GRIK2: variants seen among roughly 807,000 people sequenced by gnomAD.
The protein encoded by GRIK2 is glutamate ionotropic receptor kainate type subunit 2.
A neutral mutation model predicts 100.3 loss-of-function variants in GRIK2; 32 were observed. That is an observed-to-expected ratio of 0.32 (90% CI 0.24 to 0.43). GRIK2 has a LOEUF of 0.43. Ranked by LOEUF, GRIK2 falls within the 20% of genes least tolerant of loss-of-function variation. GRIK2 has a pLI of 1.00. For synonymous variants in GRIK2, 417 were observed against 389.4 expected (o/e 1.07, Z -0.83); for missense variants, 843 against 1,114.9 (o/e 0.76, Z 3.47).
chr6:101,476,842 A>C (rs534419553), intron 2 of GRIK2, among the ~76,000 whole-genome samples: 1 of 152,248 alleles, frequency 6.6e-6, no homozygotes, highest in Non-Finnish European at 1.5e-5. Context: ...CTATGAATTA[A>C]TTTCTTGCAA....
At chr6:101,596,941 T>C (rs1487617359) in intron 2 of GRIK2, among the ~76,000 whole-genome samples, 2 of 151,916 alleles carry the variant, frequency 1.3e-5, no homozygotes, top group Non-Finnish European at 2.9e-5. Flanking sequence ...CATGCACTTA[T>C]ATGTTAATCA....
chr6:102,035,696 A>G (rs1770233477), intron 15 of GRIK2, 130 bp downstream of exon 15: 1 of 592,218 alleles, frequency 1.7e-6, no homozygotes. Context: ...TACCTCTCTG[A>G]TTGTATAAAA....
intron 14 of GRIK2, among the ~76,000 whole-genome samples, chr6:102,012,896 A>G (rs1795624165): frequency 6.6e-6 from 1 of 152,274 alleles, no homozygotes; most frequent in South Asian, 2.1e-4. Context: ...CTTTTTGCTT[A>G]GGAGTGCCTT....
At chr6:101,824,483 T>C (rs1479710002) in intron 10 of GRIK2, among the ~76,000 whole-genome samples, 1 of 152,208 alleles carries the variant, frequency 6.6e-6, no homozygotes, top group African/African-American at 2.4e-5. Context: ...AAATTCTTAG[T>C]TTTCGATAGA....
intron 14 of GRIK2, among the ~76,000 whole-genome samples, chr6:101,973,892 GGA>G (rs1239066503): frequency 8.6e-5 from 13 of 151,884 alleles, no homozygotes; most frequent in South Asian, 2.1e-4. Context: ...CTAAGGCTCT[GGA>G]GAGGTCTTAC....
chr6:101,474,792 T>A (rs1772143772), intron 2 of GRIK2, among the ~76,000 whole-genome samples: 3 of 151,876 alleles, frequency 2.0e-5, no homozygotes, highest in African/African-American at 7.2e-5. Flanking sequence ...ATATTAGATA[T>A]CTTTTAAAAG....
intron 14 of GRIK2, among the ~76,000 whole-genome samples, chr6:102,004,707 T>C (rs1274317735): frequency 3.3e-5 from 5 of 151,920 alleles, no homozygotes; most frequent in Non-Finnish European, 7.4e-5. Context: ...TGTTCTCACT[T>C]CTCGATACAA....
intron 2 of GRIK2, among the ~76,000 whole-genome samples, chr6:101,457,513 C>G (rs1006692513): frequency 2.6e-5 from 4 of 151,950 alleles, no homozygotes; most frequent in African/African-American, 9.7e-5. Context: ...ACATTTTGTT[C>G]TGATGGAATA....
chr6:101,568,434 C>T lies in GRIK2; in HGVS notation c.116-53515C>T, dbSNP rs370138302. ...GATTCAATCAAGTCTCAGCTTACTA[C>T]CACTGATTATAATATAAATCCTGGT... On this transcript the variant is annotated intron_variant, in intron 2 of 16. Coordinates refer to ENST00000369134, the MANE Select transcript of GRIK2 (RefSeq NM_021956.5). 2.0e-4 allele frequency among the ~76,000 whole-genome samples: 31 copies of T among 152,088 alleles called. No individual in the cohort carries two copies. In the South Asian group the frequency reaches 4.8e-3, roughly 23 times the overall value.
intron 2 of GRIK2, among the ~76,000 whole-genome samples, chr6:101,591,660 A>G (rs1042229747): frequency 2.6e-5 from 4 of 152,146 alleles, no homozygotes; most frequent in African/African-American, 4.8e-5. Context: ...GATGTTAACA[A>G]TAAGAAATGT....
intron 2 of GRIK2, among the ~76,000 whole-genome samples, chr6:101,614,603 A>G (rs1237733688): frequency 6.6e-6 from 1 of 151,766 alleles, no homozygotes; most frequent in Non-Finnish European, 1.5e-5. Flanking sequence ...TAAAAATTAA[A>G]GAAGCTTGAT....
At chr6:101,541,376 C>CCCACACACACACACACACACACACA (rs1554217240) in intron 2 of GRIK2, among the ~76,000 whole-genome samples, 2 of 5,588 alleles carry the variant, frequency 3.6e-4, no homozygotes, top group African/African-American at 5.3e-4. Context: ...GCGCACACAA[C>CCCACACACACACACACACACACACA]CACACACACA....
intron 2 of GRIK2, among the ~76,000 whole-genome samples, chr6:101,422,355 T>C (rs1776450715): frequency 6.6e-6 from 1 of 152,172 alleles, no homozygotes; most frequent in South Asian, 2.1e-4. Context: ...AGACAAATCA[T>C]ATTTTTCTCC....
intron 6 of GRIK2, 71 bp from the exon 7 acceptor site, chr6:101,686,109 A>T (rs958893586): frequency 2.8e-5 from 36 of 1,287,474 alleles, no homozygotes; most frequent in Non-Finnish European, 3.7e-5. Flanking sequence ...AAAAAAAGTG[A>T]CTATTTCAGT....
chr6:101,783,790 A>G (rs1220134610), intron 7 of GRIK2, among the ~76,000 whole-genome samples: 2 of 152,142 alleles, frequency 1.3e-5, no homozygotes, highest in Non-Finnish European at 2.9e-5. Context: ...TAGCAAAGAG[A>G]CTGCTTGCAT....
intron 10 of GRIK2, among the ~76,000 whole-genome samples, chr6:101,829,560 A>G (rs986652613): frequency 6.7e-6 from 1 of 150,218 alleles, no homozygotes; most frequent in Non-Finnish European, 1.5e-5. Flanking sequence ...AGAATACAAA[A>G]TTAACATACA....
intron 10 of GRIK2, among the ~76,000 whole-genome samples, chr6:101,852,582 T>C (rs1200450776): frequency 2.6e-5 from 4 of 152,152 alleles, no homozygotes; most frequent in African/African-American, 9.6e-5. Flanking sequence ...TGAAGCAAAA[T>C]TAAGTAACCA....
chr6:101,546,431 A>T (rs1349262890), intron 2 of GRIK2, among the ~76,000 whole-genome samples: 1 of 152,174 alleles, frequency 6.6e-6, no homozygotes, highest in African/African-American at 2.4e-5. Flanking sequence ...AGTGTTAAAG[A>T]TCTCAAAAAG....
At chr6:101,573,191 G>A (rs945122040) in intron 2 of GRIK2, among the ~76,000 whole-genome samples, 1 of 152,124 alleles carries the variant, frequency 6.6e-6, no homozygotes, top group Non-Finnish European at 1.5e-5. Context: ...GTGATGTCTG[G>A]TGGTGCTTAG....
Sources: gnomAD v4.1 joint callset for allele counts (sites outside exome capture counted in the v4.1 genomes callset) on GRCh38, gnomAD v4.1.1 for gene constraint, MANE v1.5 for transcripts, NCBI Gene and HGNC (gene_info 2026-07-23, HGNC 2026-07-21) for gene names.